EYA1: variants seen among roughly 807,000 people sequenced by gnomAD.
EYA1 encodes protein phosphatase EYA1.
A neutral mutation model predicts 82.0 loss-of-function variants in EYA1; 16 were observed. The ratio of observed to expected loss-of-function variants is 0.20; its 90% CI spans 0.13 to 0.30. The LOEUF (loss-of-function observed/expected upper bound fraction) is 0.30, where lower values mean the gene tolerates loss of function less well. EYA1 is among the 10% of genes least tolerant of loss of function. The pLI is 1.00. For missense variants in EYA1, 633 were observed against 730.7 expected (o/e 0.87, Z 1.54); for synonymous variants, 261 against 264.4 (o/e 0.99, Z 0.12).
At chr8:71,258,940 A>T (rs1814769848) in intron 11 of EYA1, among the ~76,000 whole-genome samples, 1 of 152,200 alleles carries the variant, frequency 6.6e-6, no homozygotes, top group African/African-American at 2.4e-5. Context: ...ATCTAATTTG[A>T]CCAACTGGAC....
chr8:71,480,677 G>A (rs560436553), intron 2 of EYA1, among the ~76,000 whole-genome samples: 1 of 151,700 alleles, frequency 6.6e-6, no homozygotes, highest in Admixed American at 6.6e-5. Context: ...AATAATACAT[G>A]TTAATGGATT....
rs936778966 is a variant in EYA1 at position 71,408,026 on chromosome 8, G to T, written c.34-51515C>A. On this transcript the variant is annotated intron_variant, in intron 2 of 18. Coordinates refer to the EYA1 transcript ENST00000643681. ...CCATCAGACTAACAGCGGATCTCTC[G>T]GCAGAAACCCTACAAGCCAGAAGAG... 7.3e-5 allele frequency among the ~76,000 whole-genome samples: 11 copies of T among 151,318 alleles called. No homozygotes were observed. In the East Asian group the frequency reaches 2.1e-3, roughly 29 times the overall value.
chr8:71,266,111 G>A (rs1051911513), intron 11 of EYA1, among the ~76,000 whole-genome samples: 1 of 152,186 alleles, frequency 6.6e-6, no homozygotes, highest in Non-Finnish European at 1.5e-5. Context: ...AGTTGCCTAA[G>A]CCACTGTGAC....
chr8:71,373,419 A>G (rs370323843), intron 2 of EYA1, among the ~76,000 whole-genome samples: 1 of 152,126 alleles, frequency 6.6e-6, no homozygotes, highest in African/African-American at 2.4e-5. Flanking sequence ...CTTAGAAACA[A>G]ATTTAACTAA....
chr8:71,336,008 A>G (rs577447645), intron 3 of EYA1, among the ~76,000 whole-genome samples: 43 of 152,296 alleles, frequency 2.8e-4, no homozygotes, highest in African/African-American at 9.9e-4. Context: ...ATTATAATTC[A>G]TCCTTTTAAA....
chr8:71,340,549 C>T lies in EYA1; in HGVS notation c.125-6375G>A, dbSNP rs1454475040. 3.3e-5 allele frequency among the ~76,000 whole-genome samples: 5 copies of T among 152,078 alleles called. No homozygotes were observed. In the East Asian group the frequency reaches 9.6e-4, roughly 29 times the overall value. ...TACAAATTTTACACGTGACTAAATC[C>T]CACAGTTTCTTCAAGGTTCAACTAA... On this transcript the variant is annotated intron_variant, in intron 3 of 17. Transcript: ENST00000340726.
chr8:71,404,387 G>C (rs1224308566), intron 2 of EYA1: 1 of 152,174 alleles, frequency 6.6e-6, no homozygotes, highest in Non-Finnish European at 1.5e-5. Context: ...AAATGAAATA[G>C]AATATAAATA....
At chr8:71,199,548 C>G (rs992956665) in intron 17 of EYA1, 128 bp from the exon 18 acceptor site, 1 of 704,116 alleles carries the variant, frequency 1.4e-6, no homozygotes, top group African/African-American at 1.7e-5. Context: ...AACATCTTAA[C>G]ATCACATCTG....
chr8:71,443,186 T>A (rs1361693138), intron 2 of EYA1, among the ~76,000 whole-genome samples: 2 of 152,036 alleles, frequency 1.3e-5, no homozygotes, highest in Admixed American at 1.3e-4. Flanking sequence ...CACCCCAATA[T>A]CCCAATATTA....
At chr8:71,391,735 G>A (rs1257017270) in intron 2 of EYA1, among the ~76,000 whole-genome samples, 1 of 152,286 alleles carries the variant, frequency 6.6e-6, no homozygotes, top group East Asian at 1.9e-4. Flanking sequence ...GACTTACCCA[G>A]GTGTGAACCA....
intron 12 of EYA1, among the ~76,000 whole-genome samples, chr8:71,241,584 A>AT (rs754069714): frequency 2.0e-5 from 3 of 152,180 alleles, no homozygotes; most frequent in Non-Finnish European, 4.4e-5. Flanking sequence ...AAAGTCAACA[A>AT]TTAGAGTTCA....
intron 17 of EYA1, among the ~76,000 whole-genome samples, chr8:71,205,456 A>G (rs1252765976): frequency 6.6e-6 from 1 of 152,194 alleles, no homozygotes; most frequent in Admixed American, 6.5e-5. Flanking sequence ...ACAACAAAAG[A>G]CATACGTCAA....
At chr8:71,544,140 C>G (rs1255500912) in intron 1 of EYA1, among the ~76,000 whole-genome samples, 1 of 152,176 alleles carries the variant, frequency 6.6e-6, no homozygotes, top group Non-Finnish European at 1.5e-5. Flanking sequence ...TCACTCTTTC[C>G]TTTCCTTAAA....
intron 2 of EYA1, among the ~76,000 whole-genome samples, chr8:71,374,661 A>G (rs1828265786): frequency 6.6e-6 from 1 of 152,214 alleles, no homozygotes; most frequent in African/African-American, 2.4e-5. Context: ...ATACAACCAA[A>G]TAAAATGAAA....
intron 2 of EYA1, among the ~76,000 whole-genome samples, chr8:71,421,457 G>A (rs778891372): frequency 1.2e-4 from 19 of 152,162 alleles, no homozygotes; most frequent in South Asian, 6.2e-4. Context: ...ATTTTTCTAA[G>A]TGCCAGTCTA....
chr8:71,323,183 A>G (rs1586361287), intron 4 of EYA1, among the ~76,000 whole-genome samples: 1 of 152,206 alleles, frequency 6.6e-6, no homozygotes, highest in Non-Finnish European at 1.5e-5. Flanking sequence ...ACATACATAT[A>G]TATCTACACA....
intron 2 of EYA1, among the ~76,000 whole-genome samples, chr8:71,494,913 A>G (rs1267372698): frequency 6.6e-6 from 1 of 152,050 alleles, no homozygotes; most frequent in Admixed American, 6.6e-5. Context: ...AACTTGTGTA[A>G]GCTTCATGCC....
chr8:71,245,232 AT>A (rs990035046), intron 11 of EYA1, among the ~76,000 whole-genome samples: 124 of 146,694 alleles, frequency 8.5e-4, no homozygotes, highest in African/African-American at 1.2e-3. Context: ...TTAAGTGATG[AT>A]TTTTTTTTTT....
intron 1 of EYA1, 21 bp downstream of exon 1, chr8:71,361,625 CA>C: frequency 1.0e-6 from 1 of 980,770 alleles, no homozygotes; most frequent in Non-Finnish European, 1.2e-6. Flanking sequence ...TACAATTTTT[CA>C]AACAGTCAGC....
Sources: gnomAD v4.1 joint callset for allele counts (sites outside exome capture counted in the v4.1 genomes callset) on GRCh38, gnomAD v4.1.1 for gene constraint, MANE v1.5 for transcripts, NCBI Gene and HGNC (gene_info 2026-07-23, HGNC 2026-07-21) for gene names.